Variants in DCX observed in about 807,000 individuals in gnomAD.
DCX encodes doublecortin.
DCX carries 4 observed loss-of-function variants against 20.9 expected under a neutral mutation model. That is an observed-to-expected ratio of 0.19 (90% CI 0.09 to 0.44). The LOEUF (loss-of-function observed/expected upper bound fraction) is 0.44. DCX is among the 20% of genes least tolerant of loss of function. DCX has a pLI of 0.99. For synonymous variants in DCX, 103 were observed against 111.4 expected (o/e 0.92, Z 0.47); for missense variants, 133 against 296.9 (o/e 0.45, Z 4.06).
rs1409993028 is a variant in DCX at position 111,297,622 on chromosome X, G to A, written c.*4065C>T. The A allele has an allele frequency of 9.0e-6, 1 of 111,708 alleles. No individual in the cohort carries two copies. Among genetic ancestry groups the A allele is most frequent in the Admixed American group, 9.5e-5 (1 of 10,553 alleles). The allele number at this position is 111,708 out of a possible 1,213,427, so 9.2% of individuals were successfully genotyped here. Reference sequence around the variant, plus strand: ...CTGTGGAGGAGAAGGAGGAAGGAGAGAGAAGTACCTGAGGAGTGGGGTAAG... The same window carrying A: ...CTGTGGAGGAGAAGGAGGAAGGAGAAAGAAGTACCTGAGGAGTGGGGTAAG... On this transcript the variant is annotated 3_prime_UTR_variant, in exon 7 of 7. Coordinates refer to ENST00000636035, the MANE Select transcript of DCX (RefSeq NM_001195553.2).
chrX:111,323,603 GTTTTTTTTT>G (rs780794851), intron 5 of DCX, among the ~76,000 whole-genome samples: 1 of 52,179 alleles, frequency 1.9e-5, no homozygotes, highest in African/African-American at 7.3e-5. Flanking sequence ...TATTATTTCT[GTTTTTTTTT>G]TTTTTTTTTT....
In DCX at chrX:111,298,677, G is replaced by A. The variant is rs1474579527; in HGVS notation, c.*3010C>T. 1 of 111,793 alleles carries A rather than the reference G, an allele frequency of 8.9e-6. No homozygotes were observed. Among genetic ancestry groups the A allele is most frequent in the Non-Finnish European group, 1.9e-5 (1 of 53,154 alleles). The allele number at this position is 111,793 out of a possible 1,213,427, so 9.2% of individuals were successfully genotyped here. A position where few individuals can be genotyped will look rare whatever the true frequency, so the allele number is the denominator to read the frequency against. Reference sequence around the variant, plus strand: ...AATTTGGAGTAGAGGAGTAGATGATGTGATCTTAAGGTTCCTTCCAGCTAG... The same window carrying A: ...AATTTGGAGTAGAGGAGTAGATGATATGATCTTAAGGTTCCTTCCAGCTAG... On this transcript the variant is annotated 3_prime_UTR_variant, in exon 7 of 7. Transcript: ENST00000636035.
intron 3 of DCX, among the ~76,000 whole-genome samples, chrX:111,381,692 C>A (rs779314982): frequency 9.0e-6 from 1 of 111,221 alleles, no homozygotes; most frequent in Non-Finnish European, 1.9e-5. Flanking sequence ...TTGGAAATGT[C>A]TCTATTAAGA....
chrX:111,334,104 G>A (rs1921506242), intron 3 of DCX, among the ~76,000 whole-genome samples: 1 of 112,343 alleles, frequency 8.9e-6, no homozygotes, highest in Non-Finnish European at 1.9e-5. Flanking sequence ...CCAAAGGCAT[G>A]GTGCTCACAA....
At chrX:111,312,020 G>A (rs190887533) in intron 6 of DCX, among the ~76,000 whole-genome samples, 19 of 112,340 alleles carry the variant, frequency 1.7e-4, no homozygotes, top group South Asian at 1.1e-3. Flanking sequence ...TTTGGATAGC[G>A]GGGCTAGGGA....
intron 3 of DCX, among the ~76,000 whole-genome samples, chrX:111,367,480 T>C (rs763378173): frequency 2.7e-5 from 3 of 111,656 alleles, no homozygotes; most frequent in Non-Finnish European, 5.6e-5. Flanking sequence ...AAAATTGAGG[T>C]TTTATTACAC....
chrX:111,297,790 C>T lies in DCX; in HGVS notation c.*3897G>A, dbSNP rs752233206. On this transcript the variant is annotated 3_prime_UTR_variant, in exon 7 of 7. Coordinates refer to ENST00000636035, the MANE Select transcript of DCX (RefSeq NM_001195553.2). ...GGCCACAGGAGCAGTGTACACAAGA[C>T]GATGGGAAGAGTGTATAGAGCACAC... 4.5e-5 allele frequency: 5 copies of T among 111,799 alleles called. No homozygotes were observed. Among genetic ancestry groups the T allele is most frequent in the African/African-American group, 6.5e-5 (2 of 30,649 alleles). 9.2% of individuals were successfully genotyped at this position (111,799 alleles called of 1,213,427 possible). A position where few individuals can be genotyped will look rare whatever the true frequency, so the allele number is the denominator to read the frequency against.
chrX:111,315,925 G>A (rs2095069541), intron 5 of DCX, among the ~76,000 whole-genome samples: 1 of 41,879 alleles, frequency 2.4e-5, no homozygotes, highest in Admixed American at 2.9e-4. Context: ...TCTGGGGACT[G>A]TGGTGGGGTC....
At chrX:111,357,632 A>T (rs1471507347) in intron 3 of DCX, among the ~76,000 whole-genome samples, 1 of 109,685 alleles carries the variant, frequency 9.1e-6, no homozygotes, top group Non-Finnish European at 1.9e-5. Context: ...AATTTAAAAA[A>T]TTACACGAGC....
chrX:111,399,212 G>T (rs1927576284), intron 3 of DCX, among the ~76,000 whole-genome samples: 1 of 109,740 alleles, frequency 9.1e-6, no homozygotes, highest in Non-Finnish European at 1.9e-5. Flanking sequence ...TGAATTATAT[G>T]CATATATATA....
intron 3 of DCX, among the ~76,000 whole-genome samples, chrX:111,359,047 T>C (rs867791685): frequency 1.8e-5 from 2 of 111,614 alleles, no homozygotes; most frequent in Admixed American, 1.9e-4. Flanking sequence ...AGAACTTTAA[T>C]GAAAATTGAC....
intron 3 of DCX, among the ~76,000 whole-genome samples, chrX:111,346,077 T>C (rs889544943): frequency 1.8e-5 from 2 of 109,950 alleles, no homozygotes; most frequent in Non-Finnish European, 3.8e-5. Context: ...TGCCCACTTT[T>C]TCATGGGTTT....
chrX:111,362,253 C>T (rs1186826315), intron 3 of DCX, among the ~76,000 whole-genome samples: 1 of 111,381 alleles, frequency 9.0e-6, no homozygotes, highest in African/African-American at 3.3e-5. Context: ...TCGAAGTTTC[C>T]TCAAAATACT....
At chrX:111,362,656 G>A (rs1924297942) in intron 3 of DCX, among the ~76,000 whole-genome samples, 1 of 111,634 alleles carries the variant, frequency 9.0e-6, no homozygotes, top group African/African-American at 3.3e-5. Flanking sequence ...GGCAGATTCA[G>A]GGGATGCCTG....
chrX:111,311,452 A>G (rs2095057548), intron 6 of DCX, among the ~76,000 whole-genome samples: 2 of 112,371 alleles, frequency 1.8e-5, no homozygotes, highest in African/African-American at 6.5e-5. Flanking sequence ...ACTGGCTGTG[A>G]GAAAAAAACA....
chrX:111,348,282 G>A (rs1422892357), intron 3 of DCX, among the ~76,000 whole-genome samples: 1 of 112,072 alleles, frequency 8.9e-6, no homozygotes, highest in Non-Finnish European at 1.9e-5. Context: ...AATACCAGTG[G>A]TATGGGAAAG....
chrX:111,346,500 G>C (rs1391833358), intron 3 of DCX, among the ~76,000 whole-genome samples: 1 of 112,299 alleles, frequency 8.9e-6, no homozygotes, highest in East Asian at 2.8e-4. Context: ...ATCTAGAAGA[G>C]ACAAATTCAT....
At chrX:111,376,143 T>A (rs1039389824) in intron 3 of DCX, among the ~76,000 whole-genome samples, 1 of 112,070 alleles carries the variant, frequency 8.9e-6, no homozygotes, top group Non-Finnish European at 1.9e-5. Context: ...ATCAATTTTT[T>A]AAGGAAAAGT....
chrX:111,342,219 A>G, intron 3 of DCX, among the ~76,000 whole-genome samples: 1 of 99,839 alleles, frequency 1.0e-5, no homozygotes, highest in Non-Finnish European at 2.0e-5. Flanking sequence ...AAAAAAAAAA[A>G]GCAGGAGTTG....
Sources: gnomAD v4.1 joint callset for allele counts (sites outside exome capture counted in the v4.1 genomes callset) on GRCh38, gnomAD v4.1.1 for gene constraint, MANE v1.5 for transcripts, NCBI Gene and HGNC (gene_info 2026-07-23, HGNC 2026-07-21) for gene names.